HAUS4: variants seen among roughly 807,000 people sequenced by gnomAD.
The protein encoded by HAUS4 is HAUS augmin like complex subunit 4.
A neutral mutation model predicts 50.6 loss-of-function variants in HAUS4; 34 were observed. The ratio of observed to expected loss-of-function variants is 0.67; its 90% confidence interval spans 0.51 to 0.90. The LOEUF (loss-of-function observed/expected upper bound fraction) is 0.90, where lower values mean the gene tolerates loss of function less well. Among genes scored for constraint, HAUS4 ranks in the 40% least tolerant of loss-of-function variants. The pLI is 0.00. For synonymous variants in HAUS4, 149 were observed against 161.4 expected, an observed-to-expected ratio of 0.92 and a Z score of 0.58; for missense variants, 370 against 428.7, an observed-to-expected ratio of 0.86 and a Z score of 1.21.
At chr14:22,948,121 A>G (rs889186194) in intron 6 of HAUS4, 108 bp from the exon 7 acceptor site, 3 of 1,129,526 alleles carry the variant, frequency 2.7e-6, no homozygotes, top group Non-Finnish European at 3.7e-6. Flanking sequence ...ATCCTGCCTT[A>G]TGACAGGTTT....
At chr14:22,949,500 G>A (rs946640023) in intron 6 of HAUS4, among the ~76,000 whole-genome samples, 1 of 129,256 alleles carries the variant, frequency 7.7e-6, no homozygotes, top group Admixed American at 9.7e-5. Flanking sequence ...CTGCACTCCA[G>A]CCTGGGGGAC....
Position 22,957,054 on chromosome 14 carries a change from C to G in HAUS4, c.-161G>C, listed in dbSNP as rs566059639. On this transcript the variant is annotated 5_prime_UTR_variant, in exon 1 of 10. Coordinates refer to ENST00000541587, the MANE Select transcript of HAUS4 (RefSeq NM_001166269.2). ...CTCTCGTTCGGGCCGGGCGCAGGGGCTGGGGGAAGCGAGGCCCGGAAAGAC... is the reference window on the plus strand; with the variant it reads ...CTCTCGTTCGGGCCGGGCGCAGGGGGTGGGGGAAGCGAGGCCCGGAAAGAC... 3 of 153,794 alleles carry G rather than the reference C, an allele frequency of 2.0e-5. No individual in the cohort carries two copies. The East Asian group carries it at 5.8e-4, about 30-fold the overall frequency. The allele number at this position is 153,794 out of a possible 1,614,324, so 9.5% of individuals were successfully genotyped here.
At chr14:22,949,365 T>TA (rs1452501072) in intron 6 of HAUS4, among the ~76,000 whole-genome samples, 4 of 150,516 alleles carry the variant, frequency 2.7e-5, no homozygotes, top group African/African-American at 9.8e-5. Context: ...CCGTCTCTAC[T>TA]AAAAATACAA....
Position 22,952,600 on chromosome 14 carries a change from G to C in HAUS4, c.139C>G (p.Leu47Val). The stretch of plus-strand genomic sequence containing the variant: ...CCACTCTCATCCACATGCTGTGAGA[G>C]ATTCAGGAGAAGCTTGCTGAAGTAT... ...NPYFSKLLLN[L>V]SQHVDESGLS... The change falls in exon 3 of 10, where the codon CTC (leucine) becomes GTC (valine). Residue 47 changes from leucine to valine, a missense_variant. Coordinates refer to ENST00000541587, the MANE Select transcript of HAUS4 (RefSeq NM_001166269.2). 2 of 1,613,998 alleles carry C rather than the reference G, an allele frequency of 1.2e-6. No homozygotes were observed. Among genetic ancestry groups the C allele is most frequent in the South Asian group, 1.1e-5 (1 of 91,060 alleles).
In HAUS4 at chr14:22,955,082, G is replaced by T; in HGVS notation, c.55+18C>A. The T allele has an allele frequency of 1.9e-6, 3 of 1,573,930 alleles. No individual in the cohort carries two copies. The highest frequency in any genetic ancestry group is 2.2e-5 in the East Asian group (1 of 44,674). On this transcript the variant is annotated intron_variant, in intron 2 of 9. Coordinates refer to ENST00000541587, the MANE Select transcript of HAUS4 (RefSeq NM_001166269.2). Reference sequence around the variant, plus strand: ...CTCTGGATAAATCATCAAACCTTTTGCAAGTGGCTACTCTTACCTTGTTGA... The same window carrying T: ...CTCTGGATAAATCATCAAACCTTTTTCAAGTGGCTACTCTTACCTTGTTGA...
Position 22,950,419 on chromosome 14 carries a change from A to G in HAUS4, c.466-9T>C. 6.4e-7 allele frequency: 1 copy of G among 1,569,362 alleles called. No individual in the cohort carries two copies. Among genetic ancestry groups the G allele is most frequent in the Non-Finnish European group, 8.8e-7 (1 of 1,139,394 alleles). On this transcript the variant is annotated splice_polypyrimidine_tract_variant and intron_variant, in intron 5 of 9. Coordinates refer to ENST00000541587, the MANE Select transcript of HAUS4 (RefSeq NM_001166269.2). The stretch of plus-strand genomic sequence containing the variant: ...CTCATCCACACAAAATCCTACAGTC[A>G]TAGAAGTAAAGGCAGAAATGCGAAT...
chr14:22,954,941 G>A (rs1459697261), intron 2 of HAUS4, among the ~76,000 whole-genome samples, 159 bp downstream of exon 2: 1 of 151,972 alleles, frequency 6.6e-6, no homozygotes, highest in Non-Finnish European at 1.5e-5. Flanking sequence ...TAGCCAGGAT[G>A]GTCTCGATCT....
rs1203384758 is a variant in HAUS4 at position 22,949,135 on chromosome 14, C to T, written c.563-1122G>A. On this transcript the variant is annotated intron_variant, in intron 6 of 9. Transcript: ENST00000541587. The stretch of plus-strand genomic sequence containing the variant: ...TCACGCCATTGCACTCCAGCCTGGG[C>T]GACAAGAATGAAACTCCGTCTCAAA... Among the ~76,000 whole-genome samples the T allele has an allele frequency of 8.9e-5, 11 of 123,108 alleles. No homozygotes were observed. The South Asian group carries it at 1.3e-3, about 15-fold the overall frequency. The allele number at this position is 123,108 out of a possible 152,430, so 80.8% of individuals were successfully genotyped here.
chr14:22,954,730 CT>C (rs551775168), intron 2 of HAUS4: 3,413 of 139,286 alleles, frequency 0.025, 81 homozygotes, highest in African/African-American at 0.071. Context: ...CTTATAAATC[CT>C]TTTTTTTTTT....
Position 22,955,100 on chromosome 14 carries a change from C to A in HAUS4, c.55G>T (p.Val19Leu). The change falls in exon 2 of 10, where the codon GTG becomes TTG. Residue 19 changes from valine (V) to leucine (L), a missense_variant and splice_region_variant. By Grantham distance (32) the Val-to-Leu change is conservative. Transcript: ENST00000541587. ...ACCTTTTGCAAGTGGCTACTCTTAC[C>A]TTGTTGAAGTATTTCCATCCCTTCT... The part of the protein sequence containing the change: ...PGEGMEILQQ[V>L]CSKQLPPCNL... The A allele has an allele frequency of 6.2e-7, 1 of 1,606,250 alleles. No homozygotes were observed. Among genetic ancestry groups the A allele is most frequent in the Middle Eastern group, 1.7e-4 (1 of 6,048 alleles).
chr14:22,956,496 CT>C (rs33940397), intron 1 of HAUS4, among the ~76,000 whole-genome samples: 3,293 of 152,240 alleles, frequency 0.022, 131 homozygotes, highest in African/African-American at 0.075. Flanking sequence ...TCGTCCCCCC[CT>C]AGGGTAAGTG....
At position 22,947,187 on chromosome 14, in the gene HAUS4, CT is replaced by C. The variant is rs2044659009; in HGVS notation, c.891del (p.Val298PhefsTer4). On this transcript the variant is annotated frameshift_variant, in exon 9 of 10. Coordinates refer to ENST00000541587, the MANE Select transcript of HAUS4 (RefSeq NM_001166269.2). LOFTEE classifies it high-confidence loss of function. ...LSDTYTVEKV[E>X]VHRLIRDRLE... ...AGTTCTCACCTAATCAGACGATGAA[CT>C]TCCACTTTCTCAACAGTGTAAGTGT... is the stretch of plus-strand genomic sequence containing the variant. 8 of 1,602,008 alleles carry C rather than the reference CT, an allele frequency of 5.0e-6. No homozygotes were observed. Among genetic ancestry groups the C allele is most frequent in the Non-Finnish European group, 6.8e-6 (8 of 1,169,278 alleles).
intron 2 of HAUS4, among the ~76,000 whole-genome samples, chr14:22,953,831 C>G (rs1453639953): frequency 3.3e-5 from 5 of 151,120 alleles, no homozygotes; most frequent in Non-Finnish European, 1.5e-5. Flanking sequence ...GGGGTTTCAC[C>G]TTGTTAGCCA....
chr14:22,951,517 C>T (rs2044752151), intron 5 of HAUS4, 38 bp downstream of exon 5: 1 of 1,603,444 alleles, frequency 6.2e-7, no homozygotes, highest in African/African-American at 1.3e-5. Context: ...AGAAATTAAA[C>T]CATTTCATTT....
intron 5 of HAUS4, 60 bp downstream of exon 5, chr14:22,951,495 T>C: frequency 6.3e-7 from 1 of 1,578,810 alleles, no homozygotes; most frequent in Non-Finnish European, 8.7e-7. Context: ...AAAAACATTT[T>C]AAAGATATGG....
chr14:22,952,683 A>C lies in HAUS4; in HGVS notation c.56T>G (p.Val19Gly). ...PGEGMEILQQ[V>G]CSKQLPPCNL... ...ACAAGGAGGAAGTTGTTTGCTGCAC[A>C]CTTAACATCATGTCCCCACAGGTAC... The change falls in exon 3 of 10, where the codon GTG (valine) becomes GGG (glycine). Residue 19 changes from valine to glycine, a missense_variant and splice_region_variant. By Grantham distance (109) the Val-to-Gly change is moderately radical. Transcript: ENST00000541587. 2 of 1,594,838 alleles carry C rather than the reference A, an allele frequency of 1.3e-6. No individual in the cohort carries two copies. The highest frequency in any genetic ancestry group is 8.5e-7 in the Non-Finnish European group (1 of 1,173,416).
At chr14:22,947,096 A>G in intron 9 of HAUS4, 75 bp downstream of exon 9, 1 of 1,024,804 alleles carries the variant, frequency 9.8e-7, no homozygotes, top group Non-Finnish European at 1.6e-6. Context: ...AAATGGCAAC[A>G]TCTTTAAATA....
chr14:22,951,625 T>C lies in HAUS4; in HGVS notation c.395A>G (p.Gln132Arg), dbSNP rs761536848. The change falls in exon 5 of 10, where the codon CAG (glutamine) becomes CGG (arginine). Residue 132 changes from glutamine to arginine, a missense_variant. Coordinates refer to ENST00000541587, the MANE Select transcript of HAUS4 (RefSeq NM_001166269.2). ...TELMRLLGPS[Q>R]EREIPPLLGL... ...CAGCAGTGGAGGTATCTCCCTCTCC[T>C]GGCTAGGACCTAAGAGCCGCATCAG... The C allele has an allele frequency of 7.4e-5, 120 of 1,613,992 alleles. No individual in the cohort carries two copies. The highest frequency in any genetic ancestry group is 1.1e-4 in the African/African-American group (8 of 74,908).
Position 22,952,590 on chromosome 14 carries a change from T to C in HAUS4, c.149A>G (p.His50Arg). Reference protein sequence around the residue: ...FSKLLLNLSQHVDESGLSLTL... With the variant: ...FSKLLLNLSQRVDESGLSLTL... Reference sequence around the variant, plus strand: ...GAGGCTTAAGCCACTCTCATCCACATGCTGTGAGAGATTCAGGAGAAGCTT... The same window carrying C: ...GAGGCTTAAGCCACTCTCATCCACACGCTGTGAGAGATTCAGGAGAAGCTT... Residue 50 changes from histidine to arginine, a missense_variant, in exon 3 of 10, where the codon CAT becomes CGT. Coordinates refer to ENST00000541587, the MANE Select transcript of HAUS4 (RefSeq NM_001166269.2). 6.2e-7 allele frequency: 1 copy of C among 1,614,026 alleles called. No homozygotes were observed. The highest frequency in any genetic ancestry group is 8.5e-7 in the Non-Finnish European group (1 of 1,179,942).
Sources: allele counts gnomAD v4.1 joint callset (sites outside exome capture counted in the v4.1 genomes callset), GRCh38; gene constraint gnomAD v4.1.1; transcripts MANE v1.5; gene names NCBI Gene and HGNC (gene_info 2026-07-23, HGNC 2026-07-21).